Variants in UTRN observed in about 807,000 individuals in gnomAD.
UTRN encodes utrophin.
Under a neutral mutation model 463.9 loss-of-function variants are expected in UTRN, and 283 were observed. The ratio of observed to expected loss-of-function variants is 0.61; its 90% confidence interval spans 0.55 to 0.67. UTRN has a LOEUF of 0.67. Among genes scored for constraint, UTRN ranks in the 30% least tolerant of loss-of-function variants. UTRN has a pLI of 0.00. For synonymous variants in UTRN, 1,442 were observed against 1,431.5 expected, an observed-to-expected ratio of 1.01 and a Z score of -0.17; for missense variants, 3,922 against 4,084.3, an observed-to-expected ratio of 0.96 and a Z score of 1.08.
In UTRN at chr6:144,827,669, G is replaced by T; in HGVS notation, c.9592G>T (p.Ala3198Ser). 2 of 1,613,426 alleles carry T rather than the reference G, an allele frequency of 1.2e-6. No homozygotes were observed. Among genetic ancestry groups the T allele is most frequent in the Non-Finnish European group, 1.7e-6 (2 of 1,179,648 alleles). ...CACCCATTCAAGAATAGAACAATAT[G>T]CCACACGGTAAGAAACTTTGATCAG... ...DDTHSRIEQY[A>S]TRLAQMERTN... The change falls in exon 68 of 75, where the codon GCC (alanine) becomes TCC (serine). Residue 3198 changes from alanine to serine, a missense_variant. By Grantham distance (99) the Ala-to-Ser change is moderately conservative. Transcript: ENST00000367545.
chr6:144,744,602 CAT>C (rs1790494951), intron 54 of UTRN, among the ~76,000 whole-genome samples: 1 of 111,438 alleles, frequency 9.0e-6, no homozygotes, highest in Non-Finnish European at 1.6e-5. Context: ...AGTGACAGGG[CAT>C]ACACACACAC....
At position 144,437,574 on chromosome 6, in the gene UTRN, A is replaced by G. The variant is rs920916396; in HGVS notation, c.1069A>G (p.Met357Val). Residue 357 changes from methionine (M) to valine (V), a missense_variant, in exon 11 of 75, where the codon ATG becomes GTG. This residue lies in a region of UTRN where 2,349 missense variants were observed against 2,303.8 expected (regional missense o/e 1.02). Coordinates refer to ENST00000367545, the MANE Select transcript of UTRN (RefSeq NM_007124.3). The part of the protein sequence containing the change: ...DQFATHEAFM[M>V]ELTAHQSSVG... ...CAATGTCCCTTTCTAGGCTTTTATGATGGAACTGACTGCACACCAGAGCAG... is the reference window on the plus strand; with the variant it reads ...CAATGTCCCTTTCTAGGCTTTTATGGTGGAACTGACTGCACACCAGAGCAG... The G allele has an allele frequency of 1.3e-5, 21 of 1,605,660 alleles. No individual in the cohort carries two copies. Among genetic ancestry groups the G allele is most frequent in the African/African-American group, 2.7e-5 (2 of 74,046 alleles).
intron 2 of UTRN, among the ~76,000 whole-genome samples, chr6:144,383,430 T>A (rs1276441184): frequency 6.6e-6 from 1 of 152,212 alleles, no homozygotes; most frequent in Non-Finnish European, 1.5e-5. Context: ...TCAAGTAAGC[T>A]TCAGTCTGTA....
At chr6:144,757,342 A>C (rs1792114719) in intron 57 of UTRN, among the ~76,000 whole-genome samples, 2 of 151,588 alleles carry the variant, frequency 1.3e-5, no homozygotes. Context: ...TATGTTTCAG[A>C]TGAAAGTAAG....
intron 51 of UTRN, among the ~76,000 whole-genome samples, chr6:144,609,760 A>C (rs1805273045): frequency 6.6e-6 from 1 of 152,206 alleles, no homozygotes; most frequent in Non-Finnish European, 1.5e-5. Context: ...TAAAACCAGA[A>C]ATCAATAACA....
chr6:144,690,661 G>A (rs1392998604), intron 52 of UTRN, among the ~76,000 whole-genome samples: 1 of 152,132 alleles, frequency 6.6e-6, no homozygotes, highest in African/African-American at 2.4e-5. Flanking sequence ...ACAGGATCAG[G>A]AATGACTTCC....
chr6:144,610,295 A>T (rs891217770), intron 51 of UTRN, among the ~76,000 whole-genome samples: 5 of 152,116 alleles, frequency 3.3e-5, no homozygotes, highest in Non-Finnish European at 5.9e-5. Context: ...CTGAACAATT[A>T]TACAGCAACT....
intron 51 of UTRN, among the ~76,000 whole-genome samples, chr6:144,645,227 T>C (rs1427238083): frequency 6.6e-6 from 1 of 152,228 alleles, no homozygotes. Flanking sequence ...AATTGGATTC[T>C]ATTCCCAAGT....
intron 50 of UTRN, among the ~76,000 whole-genome samples, chr6:144,572,166 C>G (rs917460684): frequency 2.0e-5 from 3 of 152,078 alleles, no homozygotes; most frequent in African/African-American, 7.2e-5. Context: ...CATACCTGCT[C>G]CAGTTTGGAT....
chr6:144,327,176 CAG>C (rs1776026055), intron 2 of UTRN, among the ~76,000 whole-genome samples: 1 of 151,790 alleles, frequency 6.6e-6, no homozygotes, highest in Non-Finnish European at 1.5e-5. Context: ...AGACAGAAAA[CAG>C]GGAGGGGGTG....
chr6:144,767,761 TTTGA>T (rs1306122863), intron 58 of UTRN, among the ~76,000 whole-genome samples: 16 of 152,208 alleles, frequency 1.1e-4, no homozygotes, highest in African/African-American at 3.9e-4. Context: ...TATTTTTTTC[TTTGA>T]TTGTCTTATC....
intron 23 of UTRN, among the ~76,000 whole-genome samples, chr6:144,463,381 CAG>C (rs1417538301): frequency 2.6e-5 from 4 of 152,082 alleles, no homozygotes; most frequent in Non-Finnish European, 4.4e-5. Context: ...AAAATGTTGA[CAG>C]ATGCAGCAGT....
intron 51 of UTRN, among the ~76,000 whole-genome samples, chr6:144,643,529 G>C (rs1046298380): frequency 6.6e-6 from 1 of 152,160 alleles, no homozygotes; most frequent in East Asian, 1.9e-4. Flanking sequence ...GGGCACGGTG[G>C]TTCATGCCTG....
intron 53 of UTRN, among the ~76,000 whole-genome samples, chr6:144,702,178 G>A (rs1240776374): frequency 6.6e-6 from 1 of 152,120 alleles, no homozygotes; most frequent in Non-Finnish European, 1.5e-5. Flanking sequence ...CACATCTTGA[G>A]GTATGAAATG....
intron 51 of UTRN, among the ~76,000 whole-genome samples, chr6:144,614,711 A>G (rs1046753189): frequency 1.3e-5 from 2 of 152,184 alleles, no homozygotes; most frequent in Non-Finnish European, 2.9e-5. Context: ...TAACTTGTAA[A>G]TGAGGAGGTC....
intron 53 of UTRN, among the ~76,000 whole-genome samples, chr6:144,705,745 A>T (rs1162108047): frequency 1.3e-5 from 2 of 152,214 alleles, no homozygotes; most frequent in Non-Finnish European, 2.9e-5. Flanking sequence ...AAATAGTGGA[A>T]ATGAAAGTAA....
intron 57 of UTRN, among the ~76,000 whole-genome samples, chr6:144,757,558 T>C (rs6927442): frequency 0.28 from 42,871 of 151,986 alleles, 7,271 homozygotes; most frequent in East Asian, 0.74. Flanking sequence ...ATTTTTAATC[T>C]GGATATACCA....
At chr6:144,837,729 A>G (rs1320660645) in intron 71 of UTRN, among the ~76,000 whole-genome samples, 1 of 152,192 alleles carries the variant, frequency 6.6e-6, no homozygotes, top group Non-Finnish European at 1.5e-5. Flanking sequence ...GAATAATTCA[A>G]AACAGTGTCA....
chr6:144,317,199 G>A (rs1477837181), intron 2 of UTRN, among the ~76,000 whole-genome samples: 1 of 152,112 alleles, frequency 6.6e-6, no homozygotes, highest in Admixed American at 6.5e-5. Flanking sequence ...CTCATAAATA[G>A]GACAGCGAAT....
Sources: gnomAD v4.1 joint callset for allele counts (sites outside exome capture counted in the v4.1 genomes callset) on GRCh38, gnomAD v4.1.1 for gene constraint, gnomAD v4.1.1 regional missense constraint, MANE v1.5 for transcripts, NCBI Gene and HGNC (gene_info 2026-07-23, HGNC 2026-07-21) for gene names.